The following RCSD1 variants were observed in gnomAD, a reference collection of about 807,000 sequenced individuals.
The protein encoded by RCSD1 is RCSD domain containing 1, also known as capZ-interacting protein.
RCSD1 carries 26 observed loss-of-function variants against 42.5 expected under a neutral mutation model. The ratio of observed to expected loss-of-function variants is 0.61; its 90% CI spans 0.45 to 0.85. RCSD1 has a LOEUF of 0.85. Among genes scored for constraint, RCSD1 ranks in the 40% least tolerant of loss-of-function variants. The pLI is 0.00. For synonymous variants in RCSD1, 220 were observed against 212.2 expected, an observed-to-expected ratio of 1.04 and a Z score of -0.32; for missense variants, 571 against 528.3, an observed-to-expected ratio of 1.08 and a Z score of -0.79.
chr1:167,659,579 G>C (rs551672766), intron 1 of RCSD1, among the ~76,000 whole-genome samples: 2 of 152,266 alleles, frequency 1.3e-5, no homozygotes, highest in South Asian at 2.1e-4. Flanking sequence ...TGCAGAGCCA[G>C]GCGTGGGAAT....
At chr1:167,685,951 C>T (rs1659225737) in intron 3 of RCSD1, among the ~76,000 whole-genome samples, 1 of 152,178 alleles carries the variant, frequency 6.6e-6, no homozygotes, top group Admixed American at 6.5e-5. Flanking sequence ...CGTGATTCTG[C>T]AGTATCCTTG....
chr1:167,639,012 T>C (rs1657935093), intron 1 of RCSD1, among the ~76,000 whole-genome samples: 2 of 152,204 alleles, frequency 1.3e-5, no homozygotes, highest in African/African-American at 4.8e-5. Flanking sequence ...GGTCAGGAGA[T>C]TGAGACCATC....
intron 1 of RCSD1, among the ~76,000 whole-genome samples, chr1:167,648,934 G>A (rs1022393906): frequency 2.6e-5 from 4 of 152,194 alleles, no homozygotes; most frequent in Non-Finnish European, 4.4e-5. Flanking sequence ...ATTCTGTGCT[G>A]GGAATTCTGG....
intron 1 of RCSD1, among the ~76,000 whole-genome samples, chr1:167,665,212 A>G (rs932970680): frequency 7.9e-5 from 12 of 152,232 alleles, no homozygotes; most frequent in Admixed American, 2.6e-4. Context: ...AAATAGAACC[A>G]TACGGGAAGT....
chr1:167,670,496 G>T (rs1302234718), intron 1 of RCSD1, among the ~76,000 whole-genome samples: 1 of 152,120 alleles, frequency 6.6e-6, no homozygotes, highest in African/African-American at 2.4e-5. Flanking sequence ...GTAACCCCCT[G>T]AGGCATTGCT....
intron 6 of RCSD1, among the ~76,000 whole-genome samples, chr1:167,701,421 T>A (rs1392761905): frequency 2.6e-5 from 4 of 152,026 alleles, no homozygotes; most frequent in Admixed American, 6.6e-5. Context: ...TTCTCCTGCC[T>A]CAGCCTCCCA....
At chr1:167,694,949 T>G (rs765972753) in intron 5 of RCSD1, among the ~76,000 whole-genome samples, 2 of 152,108 alleles carry the variant, frequency 1.3e-5, no homozygotes, top group Non-Finnish European at 2.9e-5. Flanking sequence ...CCAACAAATG[T>G]GTGCCAGGGC....
intron 1 of RCSD1, among the ~76,000 whole-genome samples, chr1:167,640,232 G>A (rs965678263): frequency 6.6e-6 from 1 of 152,128 alleles, no homozygotes; most frequent in African/African-American, 2.4e-5. Context: ...TGGTTCTGGA[G>A]GCCGGATGTC....
intron 1 of RCSD1, among the ~76,000 whole-genome samples, chr1:167,639,034 G>A (rs1398426832): frequency 2.0e-5 from 3 of 152,110 alleles, no homozygotes; most frequent in Non-Finnish European, 2.9e-5. Flanking sequence ...TGGCTAACAC[G>A]ATAAAACCCC....
intron 1 of RCSD1, among the ~76,000 whole-genome samples, chr1:167,645,716 C>T (rs1229383): frequency 0.8 from 121,668 of 152,144 alleles, 48,876 homozygotes; most frequent in African/African-American, 0.88. Flanking sequence ...GTGCCCTAAG[C>T]GACTAGAGTG....
Position 167,697,130 on chromosome 1 carries a change from C to T in RCSD1, c.506C>T (p.Pro169Leu). ...ACGAGGGGCTCAATAAAAAGGCGCCCTCCCTCCAGGCGATTCCGAAGGTCA... is the reference window on the plus strand; with the variant it reads ...ACGAGGGGCTCAATAAAAAGGCGCCTTCCCTCCAGGCGATTCCGAAGGTCA... ...VRTRGSIKRRPPSRRFRRSQS... is the reference protein window; with the variant it reads ...VRTRGSIKRRLPSRRFRRSQS... The change falls in exon 6 of 7, where the codon CCT (proline) becomes CTT (leucine). Residue 169 changes from proline to leucine, a missense_variant. Coordinates refer to ENST00000367854, the MANE Select transcript of RCSD1 (RefSeq NM_052862.4). 6.2e-7 allele frequency: 1 copy of T among 1,613,650 alleles called. No individual in the cohort carries two copies. Among genetic ancestry groups the T allele is most frequent in the Non-Finnish European group, 8.5e-7 (1 of 1,179,856 alleles).
intron 1 of RCSD1, among the ~76,000 whole-genome samples, chr1:167,660,053 T>C (rs968833992): frequency 5.3e-5 from 8 of 152,238 alleles, no homozygotes; most frequent in Admixed American, 2.0e-4. Flanking sequence ...TCGTCATATT[T>C]ACCCCTTCAG....
rs764529467 is a variant in RCSD1, at chr1:167,707,698, G to A, written c.*3002G>A. On this transcript the variant is annotated 3_prime_UTR_variant, in exon 7 of 7. Coordinates refer to ENST00000367854, the MANE Select transcript of RCSD1 (RefSeq NM_052862.4). The stretch of plus-strand genomic sequence containing the variant: ...TTTTTTTTGAATGAGACAGAGTCTC[G>A]CGCTGTCACTCAGGCTGGAGTGCAG... Among the ~76,000 whole-genome samples, 11 of 150,834 alleles carry A rather than the reference G, an allele frequency of 7.3e-5. No individual in the cohort carries two copies. Among genetic ancestry groups the A allele is most frequent in the Non-Finnish European group, 1.0e-4 (7 of 67,884 alleles).
intron 1 of RCSD1, among the ~76,000 whole-genome samples, chr1:167,674,309 G>A (rs1658887143): frequency 6.6e-6 from 1 of 152,328 alleles, no homozygotes; most frequent in African/African-American, 2.4e-5. Context: ...AAGGCATGCT[G>A]GAGGCAGGGA....
chr1:167,668,999 GTTC>G (rs2102220078), intron 1 of RCSD1, among the ~76,000 whole-genome samples: 1 of 152,312 alleles, frequency 6.6e-6, no homozygotes, highest in Non-Finnish European at 1.5e-5. Context: ...TTAAGCTTGT[GTTC>G]TTCTGAATCC....
intron 1 of RCSD1, among the ~76,000 whole-genome samples, chr1:167,647,757 C>T (rs1658197772): frequency 2.6e-5 from 4 of 151,894 alleles, no homozygotes; most frequent in Non-Finnish European, 4.4e-5. Flanking sequence ...AACAAAACAA[C>T]GATAAGACCA....
intron 1 of RCSD1, chr1:167,630,758 G>A (rs1457561983): frequency 1.6e-5 from 2 of 124,364 alleles, no homozygotes; most frequent in Non-Finnish European, 3.0e-5. Context: ...AAAAAAGTTA[G>A]GTGCAGCCAA....
chr1:167,698,463 C>T (rs373909811), intron 6 of RCSD1, among the ~76,000 whole-genome samples: 2 of 152,148 alleles, frequency 1.3e-5, no homozygotes, highest in Non-Finnish European at 2.9e-5. Context: ...GACGTTCACT[C>T]TCTCTCAGGG....
intron 1 of RCSD1, among the ~76,000 whole-genome samples, chr1:167,675,249 G>A (rs1288614085): frequency 6.6e-6 from 1 of 150,634 alleles, no homozygotes; most frequent in East Asian, 1.9e-4. Flanking sequence ...CCAAGACTGG[G>A]TAATTTATAA....
Sources: allele counts gnomAD v4.1 joint callset (sites outside exome capture counted in the v4.1 genomes callset), GRCh38; gene constraint gnomAD v4.1.1; transcripts MANE v1.5; gene names NCBI Gene and HGNC (gene_info 2026-07-23, HGNC 2026-07-21).